ADAMTS3: variants seen among roughly 807,000 people sequenced by gnomAD.
ADAMTS3 encodes the protein ADAM metallopeptidase with thrombospondin type 1 motif 3.
A neutral mutation model predicts 129.0 loss-of-function variants in ADAMTS3; 73 were observed. That is an observed-to-expected ratio of 0.57 (90% CI 0.47 to 0.69). The LOEUF (loss-of-function observed/expected upper bound fraction) is 0.69. Ranked by LOEUF, ADAMTS3 falls within the 30% of genes least tolerant of loss-of-function variation. The probability of loss-of-function intolerance (pLI) is 0.00; values close to 1 mark genes in which losing one functional copy is unlikely to be tolerated. For synonymous variants in ADAMTS3, 477 were observed against 510.8 expected (o/e 0.93, Z 0.89); for missense variants, 1,457 against 1,514.5 (o/e 0.96, Z 0.63).
At chr4:72,517,343 G>A (rs1433985862) in intron 3 of ADAMTS3, among the ~76,000 whole-genome samples, 1 of 152,042 alleles carries the variant, frequency 6.6e-6, no homozygotes, top group Non-Finnish European at 1.5e-5. Flanking sequence ...GGATGATGCT[G>A]GCCTCATAAA....
intron 5 of ADAMTS3, among the ~76,000 whole-genome samples, chr4:72,334,394 C>T (rs538931547): frequency 3.0e-4 from 46 of 152,144 alleles, no homozygotes; most frequent in African/African-American, 1.0e-3. Context: ...TGCATGTCTA[C>T]CACACGGCAG....
rs182262403 is a variant in ADAMTS3, at chr4:72,541,727, A to G, written c.504+6751T>C. 3.9e-5 allele frequency among the ~76,000 whole-genome samples: 6 copies of G among 152,216 alleles called. No individual in the cohort carries two copies. In the East Asian group the frequency reaches 9.7e-4, roughly 24 times the overall value. ...TTTACAAAGGGCAGTTCCCCTGCAC[A>G]TGCTCTCTTGCCTGCCACTATGTAA... On this transcript the variant is annotated intron_variant, in intron 3 of 21. Coordinates refer to ENST00000286657, the MANE Select transcript of ADAMTS3 (RefSeq NM_014243.3).
intron 19 of ADAMTS3, among the ~76,000 whole-genome samples, chr4:72,291,443 T>C (rs1284909826): frequency 1.5e-5 from 2 of 133,464 alleles, no homozygotes; most frequent in Non-Finnish European, 3.1e-5. Context: ...ATGTTCCCCT[T>C]CCTGTGTCCA....
chr4:72,442,633 C>G (rs1399504022), intron 3 of ADAMTS3, among the ~76,000 whole-genome samples: 2 of 151,752 alleles, frequency 1.3e-5, no homozygotes, highest in East Asian at 3.9e-4. Flanking sequence ...CACATTTCAA[C>G]ATGAGATGTG....
rs868435550 is a variant in ADAMTS3, at chr4:72,529,871, A to G, written c.504+18607T>C. Among the ~76,000 whole-genome samples the G allele has an allele frequency of 1.0e-2, 771 of 77,236 alleles. 4 individuals are homozygous for G. The highest frequency in any genetic ancestry group is 0.032 in the South Asian group (93 of 2,896). 50.7% of individuals were successfully genotyped at this position (77,236 alleles called of 152,430 possible). A position where few individuals can be genotyped will look rare whatever the true frequency, so the allele number is the denominator to read the frequency against. ...TATATTAATATATAATATATAATAT[A>G]AATTATATATAATATATTATATATT... On this transcript the variant is annotated intron_variant, in intron 3 of 21. Transcript: ENST00000286657.
At chr4:72,290,546 G>A (rs1718630042) in intron 20 of ADAMTS3, among the ~76,000 whole-genome samples, 1 of 152,148 alleles carries the variant, frequency 6.6e-6, no homozygotes, top group Non-Finnish European at 1.5e-5. Context: ...AAATGGTGCT[G>A]GGCCCTGCAT....
At chr4:72,530,210 A>G (rs1184228963) in intron 3 of ADAMTS3, among the ~76,000 whole-genome samples, 68 of 43,664 alleles carry the variant, frequency 1.6e-3, no homozygotes, top group African/African-American at 5.0e-3. Flanking sequence ...AACATATGTT[A>G]TTTTAATATA....
intron 1 of ADAMTS3, 49 bp from the exon 2 acceptor site, chr4:72,567,450 T>A (rs1273028437): frequency 7.0e-6 from 11 of 1,577,002 alleles, no homozygotes; most frequent in Admixed American, 1.7e-5. Context: ...GGGTTTCATC[T>A]TATCACCTTG....
At chr4:72,360,322 G>T (rs996290167) in intron 4 of ADAMTS3, among the ~76,000 whole-genome samples, 1 of 151,934 alleles carries the variant, frequency 6.6e-6, no homozygotes, top group African/African-American at 2.4e-5. Flanking sequence ...TACTGAAAAG[G>T]ACACAAATTC....
intron 3 of ADAMTS3, among the ~76,000 whole-genome samples, chr4:72,462,370 A>G (rs892143569): frequency 2.0e-5 from 3 of 152,022 alleles, no homozygotes; most frequent in Non-Finnish European, 1.5e-5. Context: ...AGTTCTAAAA[A>G]GTCTCATCAT....
chr4:72,328,901 A>G (rs990101730), intron 5 of ADAMTS3, among the ~76,000 whole-genome samples: 1 of 152,186 alleles, frequency 6.6e-6, no homozygotes, highest in Non-Finnish European at 1.5e-5. Flanking sequence ...TCTCTTACGT[A>G]GGTAAAAGTT....
intron 3 of ADAMTS3, among the ~76,000 whole-genome samples, chr4:72,517,628 G>T (rs890124119): frequency 3.3e-5 from 5 of 152,272 alleles, no homozygotes; most frequent in African/African-American, 1.2e-4. Flanking sequence ...TTGCATAGAG[G>T]TGTTTGTAGT....
chr4:72,568,616 G>A, intron 1 of ADAMTS3, 78 bp downstream of exon 1: 1 of 1,064,992 alleles, frequency 9.4e-7, no homozygotes, highest in Non-Finnish European at 1.4e-6. Flanking sequence ...AGGAAAGAGA[G>A]GAGGGTAGAG....
Position 72,318,700 on chromosome 4 carries a change from A to G in ADAMTS3, c.1357T>C (p.Tyr453His), listed in dbSNP as rs1719466714. The G allele has an allele frequency of 1.2e-6, 2 of 1,609,750 alleles. No individual in the cohort carries two copies. The highest frequency in any genetic ancestry group is 1.7e-5 in the Admixed American group (1 of 58,948). Residue 453 changes from tyrosine (Y) to histidine (H), a missense_variant, in exon 10 of 22, where the codon TAT becomes CAT. Physicochemically the swap from Tyr to His is moderately conservative, Grantham distance 83 (BLOSUM62 2). Transcript: ENST00000286657. ...GQELKRYIHSYDCLLDDPFDH... is the reference protein window; with the variant it reads ...GQELKRYIHSHDCLLDDPFDH... Reference sequence around the variant, plus strand: ...AAAGGGTCATCAAGGAGACAGTCATAGGAACTGTAGGAAGAAAAATATTGC... The same window carrying G: ...AAAGGGTCATCAAGGAGACAGTCATGGGAACTGTAGGAAGAAAAATATTGC...
chr4:72,523,425 T>G (rs889497373), intron 3 of ADAMTS3, among the ~76,000 whole-genome samples: 2 of 152,040 alleles, frequency 1.3e-5, no homozygotes, highest in African/African-American at 4.8e-5. Flanking sequence ...TCCAGTGTTA[T>G]GAAAACAACT....
At chr4:72,392,480 T>C (rs1173514062) in intron 4 of ADAMTS3, among the ~76,000 whole-genome samples, 1 of 152,230 alleles carries the variant, frequency 6.6e-6, no homozygotes, top group African/African-American at 2.4e-5. Context: ...ATCATAGCAG[T>C]ATTTTGCACT....
intron 3 of ADAMTS3, among the ~76,000 whole-genome samples, chr4:72,503,641 T>G (rs546826070): frequency 1.3e-5 from 2 of 152,310 alleles, no homozygotes; most frequent in Admixed American, 1.3e-4. Context: ...TGAATTTAAG[T>G]CCAGAATTTC....
chr4:72,303,726 A>T (rs550171099), intron 17 of ADAMTS3, among the ~76,000 whole-genome samples, 191 bp downstream of exon 17: 1 of 152,306 alleles, frequency 6.6e-6, no homozygotes, highest in East Asian at 1.9e-4. Flanking sequence ...TCAGTTTATA[A>T]TGTCTATATA....
intron 5 of ADAMTS3, among the ~76,000 whole-genome samples, chr4:72,334,063 C>T (rs886301371): frequency 1.3e-5 from 2 of 151,858 alleles, no homozygotes; most frequent in African/African-American, 2.4e-5. Flanking sequence ...CCGTGTTAGC[C>T]AGGATGGTCT....
Sources: allele counts gnomAD v4.1 joint callset (sites outside exome capture counted in the v4.1 genomes callset), GRCh38; gene constraint gnomAD v4.1.1; transcripts MANE v1.5; gene names NCBI Gene and HGNC (gene_info 2026-07-23, HGNC 2026-07-21).